Variants in EPB41 observed in about 807,000 individuals in gnomAD.
EPB41 encodes the protein protein 4.1.
In EPB41, 65 loss-of-function variants were observed where a neutral mutation model predicts 108.0. The observed-to-expected ratio is 0.60, with a 90% confidence interval of 0.49 to 0.74. EPB41 has a LOEUF of 0.74. EPB41 is among the 30% of genes least tolerant of loss of function. The pLI, the probability that EPB41 is intolerant of heterozygous loss-of-function variation, is 0.00. For missense variants in EPB41, 875 were observed against 1,037.0 expected (o/e 0.84, Z 2.15); for synonymous variants, 336 against 358.9 (o/e 0.94, Z 0.72).
chr1:28,968,793 C>T (rs528255460), intron 1 of EPB41, among the ~76,000 whole-genome samples: 50 of 152,044 alleles, frequency 3.3e-4, no homozygotes, highest in South Asian at 6.2e-4. Flanking sequence ...GTGAGACCCC[C>T]GTCTCTACTA....
At chr1:28,967,539 C>T (rs755119845) in intron 1 of EPB41, among the ~76,000 whole-genome samples, 4 of 152,162 alleles carry the variant, frequency 2.6e-5, no homozygotes, top group Admixed American at 6.5e-5. Flanking sequence ...TTCTCTCAAG[C>T]TGTAGTATGA....
intron 16 of EPB41, among the ~76,000 whole-genome samples, chr1:29,087,816 T>C (rs1228382614): frequency 2.6e-5 from 4 of 152,196 alleles, no homozygotes; most frequent in Admixed American, 2.0e-4. Flanking sequence ...AAAAAAAATC[T>C]TGTTTTCTTC....
chr1:29,019,359 A>G (rs1296948540), intron 7 of EPB41, among the ~76,000 whole-genome samples: 1 of 152,200 alleles, frequency 6.6e-6, no homozygotes, highest in Non-Finnish European at 1.5e-5. Flanking sequence ...AGATCACACC[A>G]TTGAAAGGTG....
At chr1:28,910,824 C>T (rs2092213393), upstream of EPB41, among the ~76,000 whole-genome samples, 1 of 151,942 alleles carries the variant, frequency 6.6e-6, no homozygotes, top group African/African-American at 2.4e-5. Context: ...GGCCTGTATT[C>T]CCTAGGAAGG....
chr1:28,901,823 C>T (rs933425983), intron 1 of EPB41, among the ~76,000 whole-genome samples: 2 of 152,088 alleles, frequency 1.3e-5, no homozygotes, highest in African/African-American at 4.8e-5. Context: ...TGTGAGCCAC[C>T]GCACCCGGCC....
chr1:28,943,663 C>A (rs1020858319), intron 1 of EPB41, among the ~76,000 whole-genome samples: 18 of 150,432 alleles, frequency 1.2e-4, no homozygotes, highest in East Asian at 3.9e-4. Flanking sequence ...AAAAAAAAAA[C>A]AAAACAAACA....
intron 1 of EPB41, among the ~76,000 whole-genome samples, chr1:28,948,765 A>T (rs1288460032): frequency 6.6e-6 from 1 of 151,782 alleles, no homozygotes; most frequent in Non-Finnish European, 1.5e-5. Context: ...CCTGGCCAAT[A>T]TGGTGAAACC....
At chr1:28,996,322 TA>T (rs1340947750) in intron 3 of EPB41, among the ~76,000 whole-genome samples, 1 of 152,212 alleles carries the variant, frequency 6.6e-6, no homozygotes, top group African/African-American at 2.4e-5. Context: ...AAATTATTCC[TA>T]GCACCACTGA....
chr1:29,080,052 T>G (rs774291817), intron 16 of EPB41, among the ~76,000 whole-genome samples: 2 of 152,060 alleles, frequency 1.3e-5, no homozygotes, highest in Non-Finnish European at 2.9e-5. Context: ...ATTCACAGCT[T>G]TTTTGGGCAG....
chr1:28,989,008 G>C (rs183594568), intron 2 of EPB41, among the ~76,000 whole-genome samples: 1 of 152,198 alleles, frequency 6.6e-6, no homozygotes, highest in African/African-American at 2.4e-5. Context: ...CATTTTTGTG[G>C]AATTATTAGG....
chr1:29,045,804 C>A (rs1273390488), intron 11 of EPB41, among the ~76,000 whole-genome samples: 1 of 114,516 alleles, frequency 8.7e-6, no homozygotes, highest in Non-Finnish European at 1.6e-5. Context: ...AAGACCCTGT[C>A]TCTAAAAAAA....
intron 16 of EPB41, among the ~76,000 whole-genome samples, chr1:29,093,453 G>A (rs1306681382): frequency 6.6e-6 from 1 of 151,996 alleles, no homozygotes; most frequent in East Asian, 1.9e-4. Flanking sequence ...TTAGACCTTT[G>A]TCAGATGCAT....
At chr1:28,903,749 C>T (rs2091517419) in intron 1 of EPB41, among the ~76,000 whole-genome samples, 1 of 152,090 alleles carries the variant, frequency 6.6e-6, no homozygotes, top group Non-Finnish European at 1.5e-5. Context: ...ATTAGCTCCA[C>T]TTTATAGAAA....
chr1:29,046,378 C>T (rs10915219), intron 11 of EPB41, among the ~76,000 whole-genome samples: 18,679 of 151,946 alleles, frequency 0.12, 1,574 homozygotes, highest in African/African-American at 0.25. Flanking sequence ...CCACCCACCT[C>T]GGCCTCCCAA....
chr1:29,081,069 T>C (rs1044334802), intron 16 of EPB41, among the ~76,000 whole-genome samples: 5 of 152,332 alleles, frequency 3.3e-5, no homozygotes, highest in African/African-American at 1.2e-4. Flanking sequence ...TTTTTCCTTA[T>C]ATTCACTCTT....
At chr1:29,009,253 G>C (rs760546980) in intron 4 of EPB41, among the ~76,000 whole-genome samples, 4 of 151,294 alleles carry the variant, frequency 2.6e-5, no homozygotes, top group Non-Finnish European at 5.9e-5. Context: ...GAGCATAAAA[G>C]TACCTGTTCT....
At chr1:28,910,489 C>T (rs1298622181), upstream of EPB41, among the ~76,000 whole-genome samples, 7 of 152,174 alleles carry the variant, frequency 4.6e-5, no homozygotes, top group Admixed American at 2.6e-4. Context: ...CCCTCCACAA[C>T]AGACACAGGG....
chr1:28,949,364 G>C (rs1221889316), intron 1 of EPB41, among the ~76,000 whole-genome samples: 2 of 152,046 alleles, frequency 1.3e-5, no homozygotes, highest in Non-Finnish European at 2.9e-5. Context: ...GATTGTTGGA[G>C]CCTGGATCAA....
Position 29,018,177 on chromosome 1 carries a change from T to TTTGTTG in EPB41, c.906-37_906-32dup, listed in dbSNP as rs763112243. 1 of 1,543,834 alleles carries TTTGTTG rather than the reference T, an allele frequency of 6.5e-7. No homozygotes were observed. The highest frequency in any genetic ancestry group is 9.0e-7 in the Non-Finnish European group (1 of 1,117,102). On this transcript the variant is annotated intron_variant, in intron 6 of 20. Transcript: ENST00000343067. This position sits in a 1 kb window ranked among gnomAD's most constrained non-coding sequence, Gnocchi z 4.4. ...TTTTCTCCTTTTTCTCTCTTTATAT[T>TTTGTTG]TTGTTGTTGTTGTTGCTGACATAAC...
Sources: allele counts gnomAD v4.1 joint callset (sites outside exome capture counted in the v4.1 genomes callset), GRCh38; gene constraint gnomAD v4.1.1; non-coding constraint Gnocchi (gnomAD v3.1); transcripts MANE v1.5; gene names NCBI Gene and HGNC (gene_info 2026-07-23, HGNC 2026-07-21).